PDE7B: variants seen among roughly 807,000 people sequenced by gnomAD.
PDE7B encodes the protein 3',5'-cyclic-AMP phosphodiesterase 7B.
A neutral mutation model predicts 56.2 loss-of-function variants in PDE7B; 29 were observed. The ratio of observed to expected loss-of-function variants is 0.52; its 90% CI spans 0.38 to 0.70. The LOEUF is 0.70. Ranked by LOEUF, PDE7B falls within the 30% of genes least tolerant of loss-of-function variation. The pLI, the probability that PDE7B is intolerant of heterozygous loss-of-function variation, is 0.00. For missense variants in PDE7B, 490 were observed against 565.0 expected, an observed-to-expected ratio of 0.87 and a Z score of 1.35; for synonymous variants, 197 against 196.9, an observed-to-expected ratio of 1.00 and a Z score of 0.00.
intron 2 of PDE7B, among the ~76,000 whole-genome samples, chr6:136,017,173 C>T (rs1374221917): frequency 6.6e-6 from 1 of 152,124 alleles, no homozygotes; most frequent in Non-Finnish European, 1.5e-5. Flanking sequence ...GAGTATATTA[C>T]ACATTCATAG....
intron 2 of PDE7B, among the ~76,000 whole-genome samples, chr6:136,025,269 T>C (rs901848309): frequency 6.6e-6 from 1 of 152,184 alleles, no homozygotes; most frequent in Non-Finnish European, 1.5e-5. Flanking sequence ...TGCACTCTTA[T>C]AATATCTTAA....
intron 8 of PDE7B, among the ~76,000 whole-genome samples, chr6:136,170,257 T>C (rs1260987973): frequency 6.6e-6 from 1 of 152,170 alleles, no homozygotes; most frequent in Non-Finnish European, 1.5e-5. Flanking sequence ...ATTATTTTCC[T>C]TGCTTCTTTT....
chr6:136,153,009 A>G (rs913181519), intron 6 of PDE7B, among the ~76,000 whole-genome samples: 6 of 152,250 alleles, frequency 3.9e-5, no homozygotes, highest in Non-Finnish European at 7.3e-5. Context: ...GGGTTTAAAT[A>G]TAATTGTCAA....
chr6:136,161,186 T>TCC (rs1778697581), intron 8 of PDE7B, among the ~76,000 whole-genome samples: 1 of 152,146 alleles, frequency 6.6e-6, no homozygotes, highest in African/African-American at 2.4e-5. Context: ...TGGACATATT[T>TCC]CCCTCCTGAA....
intron 3 of PDE7B, among the ~76,000 whole-genome samples, chr6:136,126,945 T>A (rs1258150305): frequency 6.6e-6 from 1 of 152,146 alleles, no homozygotes; most frequent in African/African-American, 2.4e-5. Context: ...CAATAACCTA[T>A]GGAAATAAAA....
chr6:136,052,584 T>C (rs1776648879), intron 2 of PDE7B, among the ~76,000 whole-genome samples: 1 of 151,462 alleles, frequency 6.6e-6, no homozygotes, highest in African/African-American at 2.4e-5. Flanking sequence ...CACCCAGAGC[T>C]CAGTTCTTGT....
At chr6:136,124,312 G>A (rs2128443737) in intron 3 of PDE7B, among the ~76,000 whole-genome samples, 1 of 151,926 alleles carries the variant, frequency 6.6e-6, no homozygotes, top group Non-Finnish European at 1.5e-5. Context: ...TATACACTGG[G>A]AAGAAAAATG....
At chr6:135,877,761 A>T (rs867942792) in intron 1 of PDE7B, among the ~76,000 whole-genome samples, 1 of 148,916 alleles carries the variant, frequency 6.7e-6, no homozygotes, top group South Asian at 2.1e-4. Flanking sequence ...ACAAAAAAAA[A>T]AAAAAAGGGA....
At chr6:136,066,852 CT>C (rs566149848) in intron 2 of PDE7B, among the ~76,000 whole-genome samples, 3,994 of 138,148 alleles carry the variant, frequency 0.029, 136 homozygotes, top group African/African-American at 0.088. Context: ...TAACCATAAC[CT>C]TTTTTTTTTT....
intron 2 of PDE7B, among the ~76,000 whole-genome samples, chr6:135,962,361 A>G (rs1020585832): frequency 1.3e-5 from 2 of 152,154 alleles, no homozygotes; most frequent in East Asian, 3.8e-4. Context: ...GGGTATGTGC[A>G]GGTGGGGAGG....
intron 2 of PDE7B, among the ~76,000 whole-genome samples, chr6:136,027,580 TA>T (rs1183713785): frequency 3.9e-5 from 6 of 152,120 alleles, no homozygotes; most frequent in African/African-American, 9.7e-5. Context: ...TGTCAAGACA[TA>T]AAAAAAGAAT....
chr6:136,093,995 C>G (rs1007449747), intron 2 of PDE7B: 2 of 152,492 alleles, frequency 1.3e-5, no homozygotes, highest in African/African-American at 4.8e-5. Context: ...ATACCTTAGA[C>G]TGGGTAATTC....
At chr6:135,886,832 G>A (rs538048859) in intron 1 of PDE7B, among the ~76,000 whole-genome samples, 81 of 152,218 alleles carry the variant, frequency 5.3e-4, no homozygotes, top group African/African-American at 1.8e-3. Context: ...AAACATGCTC[G>A]TGCATGTGTC....
intron 2 of PDE7B, among the ~76,000 whole-genome samples, chr6:135,963,607 C>T (rs938524055): frequency 2.0e-5 from 3 of 152,054 alleles, no homozygotes; most frequent in African/African-American, 4.8e-5. Context: ...TTTGATTCGT[C>T]GTATTTTGTC....
Position 135,877,040 on chromosome 6 carries a change from T to C in PDE7B, c.21+25021T>C, listed in dbSNP as rs551636866. On this transcript the variant is annotated intron_variant, in intron 1 of 12. Transcript: ENST00000308191. ...TTTGCGTTTTCATCTTTAATTACCA[T>C]ATATCTCATTTCTAGAAGATACATT... 1.1e-4 allele frequency among the ~76,000 whole-genome samples: 17 copies of C among 152,062 alleles called. No homozygotes were observed. The South Asian group carries it at 3.5e-3, about 32-fold the overall frequency.
chr6:135,969,942 G>A (rs1775064128), intron 2 of PDE7B, among the ~76,000 whole-genome samples: 1 of 152,164 alleles, frequency 6.6e-6, no homozygotes, highest in African/African-American at 2.4e-5. Context: ...AACTAGTGAA[G>A]TGCCATGCTA....
intron 11 of PDE7B, among the ~76,000 whole-genome samples, chr6:136,183,360 A>G (rs529002124): frequency 7.8e-4 from 119 of 152,088 alleles, no homozygotes; most frequent in Non-Finnish European, 1.3e-3. Flanking sequence ...TTGGGAGGCC[A>G]AGGCGGGCGG....
At chr6:136,146,183 G>A (rs1207443814) in intron 3 of PDE7B, among the ~76,000 whole-genome samples, 2 of 152,186 alleles carry the variant, frequency 1.3e-5, no homozygotes, top group Non-Finnish European at 2.9e-5. Flanking sequence ...GATGGGAGAA[G>A]GTAGGACAGA....
intron 1 of PDE7B, among the ~76,000 whole-genome samples, chr6:135,896,921 A>G (rs1393445650): frequency 6.6e-6 from 1 of 151,990 alleles, no homozygotes; most frequent in Non-Finnish European, 1.5e-5. Flanking sequence ...CAGTGTGTTT[A>G]TTTATGCTCT....
Sources: gnomAD v4.1 joint callset for allele counts (sites outside exome capture counted in the v4.1 genomes callset) on GRCh38, gnomAD v4.1.1 for gene constraint, MANE v1.5 for transcripts, NCBI Gene and HGNC (gene_info 2026-07-23, HGNC 2026-07-21) for gene names.